Variants in DCAKD observed in about 807,000 individuals in gnomAD.
DCAKD encodes dephospho-CoA kinase domain containing, also known as dephospho-CoA kinase domain-containing protein.
DCAKD carries 15 observed loss-of-function variants against 18.7 expected under a neutral mutation model. That is an observed-to-expected ratio of 0.80 (90% confidence interval 0.54 to 1.24). The LOEUF (loss-of-function observed/expected upper bound fraction) is 1.24, where lower values mean the gene tolerates loss of function less well. DCAKD is among the 50% of genes most tolerant of loss of function. The pLI is 0.00. For synonymous variants in DCAKD, 130 were observed against 133.0 expected (o/e 0.98, Z 0.16); for missense variants, 301 against 322.0 (o/e 0.93, Z 0.50).
chr17:45,049,331 T>G (rs950620923), intron 1 of DCAKD, among the ~76,000 whole-genome samples: 1 of 151,656 alleles, frequency 6.6e-6, no homozygotes, highest in African/African-American at 2.4e-5. Context: ...GTTACTTTGG[T>G]GGCTAAGGTG....
chr17:45,033,905 C>G (rs1422597814), intron 3 of DCAKD: 7 of 1,415,164 alleles, frequency 4.9e-6, no homozygotes. Flanking sequence ...GCTCTTATTA[C>G]TCCCATCCCT....
intron 1 of DCAKD, among the ~76,000 whole-genome samples, chr17:45,044,015 C>T (rs2053504156): frequency 6.6e-6 from 1 of 152,072 alleles, no homozygotes; most frequent in Non-Finnish European, 1.5e-5. Context: ...CACCTTTGCT[C>T]CAAAGTTAGG....
chr17:45,024,931 C>G (rs772434462), intron 4 of DCAKD, among the ~76,000 whole-genome samples: 1 of 152,014 alleles, frequency 6.6e-6, no homozygotes, highest in African/African-American at 2.4e-5. Flanking sequence ...CCCCACTCCA[C>G]TCACTGTGAG....
chr17:45,030,928 C>T, intron 3 of DCAKD: 2 of 972,216 alleles, frequency 2.1e-6, no homozygotes, highest in African/African-American at 1.8e-5. Context: ...CAGTCAAGGG[C>T]AGCACCCCCA....
At chr17:45,042,734 G>A (rs1186830572) in intron 1 of DCAKD, among the ~76,000 whole-genome samples, 1 of 152,194 alleles carries the variant, frequency 6.6e-6, no homozygotes, top group African/African-American at 2.4e-5. Flanking sequence ...ATTGGTGAGA[G>A]GTTGCTGTTT....
chr17:45,043,808 C>T (rs1209205167), intron 1 of DCAKD, among the ~76,000 whole-genome samples: 2 of 151,868 alleles, frequency 1.3e-5, no homozygotes, highest in African/African-American at 4.8e-5. Flanking sequence ...CTAAACAGTA[C>T]CTCCCTCCTC....
chr17:45,060,578 G>C (rs1223319811), intron 1 of DCAKD, among the ~76,000 whole-genome samples: 2 of 152,142 alleles, frequency 1.3e-5, no homozygotes, highest in Admixed American at 6.6e-5. Flanking sequence ...ATTCTTGTGG[G>C]GAATTAAAGG....
chr17:45,053,020 G>A (rs188080369), upstream of DCAKD, among the ~76,000 whole-genome samples: 5 of 149,778 alleles, frequency 3.3e-5, no homozygotes, highest in South Asian at 2.1e-4. Context: ...AAAATTAGCC[G>A]GGCGTGGTGG....
rs1185260244 is a variant in DCAKD, at chr17:45,023,668, G to A, written c.*765C>T. On this transcript the variant is annotated 3_prime_UTR_variant, in exon 5 of 5. Transcript: ENST00000651974. ...GAAAATAAAAGGTATCCCAGGCCAG[G>A]AGCAGCAGGTTGAAGGCACAGAGGC... The A allele has an allele frequency of 2.6e-5, 4 of 151,508 alleles. No individual in the cohort carries two copies. Among genetic ancestry groups the A allele is most frequent in the African/African-American group, 9.7e-5 (4 of 41,176 alleles). 9.4% of individuals were successfully genotyped at this position (151,508 alleles called of 1,614,324 possible).
intron 1 of DCAKD, among the ~76,000 whole-genome samples, chr17:45,044,597 C>T (rs1327114865): frequency 6.6e-6 from 1 of 152,070 alleles, no homozygotes; most frequent in African/African-American, 2.4e-5. Context: ...GAGGCTGAGG[C>T]AGGACAATCA....
rs765441163 is a variant in DCAKD, at chr17:45,024,664, T to TA, written c.464_465insT (p.Glu156ArgfsTer40). On this transcript the variant is annotated frameshift_variant, in exon 5 of 5. Transcript: ENST00000651974. LOFTEE classifies it high-confidence loss of function. ...GCAGCTGGGCATTGATGCGGGCCTCTGCGTCCTTGCGGTTCAGGCTGTTCC... is the reference window on the plus strand; with the variant it reads ...GCAGCTGGGCATTGATGCGGGCCTCTAGCGTCCTTGCGGTTCAGGCTGTTCC... 3.1e-5 allele frequency: 50 copies of TA among 1,609,180 alleles called. No homozygotes were observed. Among genetic ancestry groups the TA allele is most frequent in the Non-Finnish European group, 2.3e-5 (27 of 1,176,286 alleles).
intron 1 of DCAKD, among the ~76,000 whole-genome samples, chr17:45,035,407 G>A (rs921875916): frequency 6.6e-6 from 1 of 151,210 alleles, no homozygotes; most frequent in African/African-American, 2.4e-5. Context: ...CTTGAACCTG[G>A]GAGGTGGAGG....
intron 1 of DCAKD, among the ~76,000 whole-genome samples, chr17:45,041,927 T>C (rs1431177096): frequency 6.6e-6 from 1 of 151,224 alleles, no homozygotes; most frequent in African/African-American, 2.4e-5. Flanking sequence ...GAGGCCAGCC[T>C]GGGCAACAAA....
chr17:45,053,408 C>T (rs890813645), upstream of DCAKD, among the ~76,000 whole-genome samples: 3 of 148,820 alleles, frequency 2.0e-5, no homozygotes, highest in Non-Finnish European at 4.4e-5. Flanking sequence ...GAGGTGTGCG[C>T]CACCACATCC....
chr17:45,051,696 T>TGGGC (rs1280168148), upstream of DCAKD: 2 of 130,748 alleles, frequency 1.5e-5, no homozygotes, highest in Non-Finnish European at 3.3e-5. Context: ...CGGGAGAGGT[T>TGGGC]GGACGGGCGG....
upstream of DCAKD, among the ~76,000 whole-genome samples, chr17:45,053,177 A>C (rs931080298): frequency 5.1e-3 from 530 of 103,680 alleles, 9 homozygotes; most frequent in East Asian, 0.027. Flanking sequence ...GTTAAAAAAA[A>C]AAAAAAAAAA....
chr17:45,034,694 T>C, intron 2 of DCAKD, 80 bp downstream of exon 2: 1 of 1,451,048 alleles, frequency 6.9e-7, no homozygotes, highest in South Asian at 1.2e-5. Flanking sequence ...CTGAGACTTA[T>C]AAAAAAAGGA....
At chr17:45,033,234 A>C (rs998313212) in intron 3 of DCAKD, among the ~76,000 whole-genome samples, 1 of 152,334 alleles carries the variant, frequency 6.6e-6, no homozygotes, top group African/African-American at 2.4e-5. Context: ...GAACCATGGC[A>C]TATAGCTTGG....
rs985692881 is a variant in DCAKD at position 45,026,599 on chromosome 17, G to A, written c.405-1875C>T. The A allele has an allele frequency of 9.1e-6, 9 of 985,246 alleles. No individual in the cohort carries two copies. The African/African-American group carries it at 1.6e-4, about 17-fold the overall frequency. The allele number at this position is 985,246 out of a possible 1,614,324, so 61.0% of individuals were successfully genotyped here. ...ACTGGTCTCAAACTCCTGGGCTTAAGTGATCCTCCCACCTTGGCAGTTTGG... is the reference window on the plus strand; with the variant it reads ...ACTGGTCTCAAACTCCTGGGCTTAAATGATCCTCCCACCTTGGCAGTTTGG... On this transcript the variant is annotated intron_variant, in intron 4 of 4. Transcript: ENST00000651974.
Sources: gnomAD v4.1 joint callset for allele counts (sites outside exome capture counted in the v4.1 genomes callset) on GRCh38, gnomAD v4.1.1 for gene constraint, MANE v1.5 for transcripts, NCBI Gene and HGNC (gene_info 2026-07-23, HGNC 2026-07-21) for gene names.